Variants in OTOG observed in about 807,000 individuals in gnomAD.
OTOG encodes otogelin.
Under a neutral mutation model 313.8 loss-of-function variants are expected in OTOG, and 296 were observed. That is an observed-to-expected ratio of 0.94 (90% CI 0.86 to 1.04). The LOEUF is 1.04. OTOG is among the 50% of genes least tolerant of loss of function. The pLI, the probability that OTOG is intolerant of heterozygous loss-of-function variation, is 0.00. For synonymous variants in OTOG, 1,533 were observed against 1,554.9 expected, an observed-to-expected ratio of 0.99 and a Z score of 0.33; for missense variants, 3,948 against 3,840.1, an observed-to-expected ratio of 1.03 and a Z score of -0.74.
Position 17,642,132 on chromosome 11 carries a change from G to A in OTOG, c.8301G>A (p.Gly2767=). ...PNGTTSLFLP[G]ASWIADCARH... ...CCTACTTCTGTGCCCTCCAGCCCGG[G>A]GCATCCTGGATCGCAGACTGCGCCC... The change falls in exon 53 of 56, where the codon GGG becomes GGA. Residue 2767 remains glycine (G), a synonymous_variant. Transcript: ENST00000399397. 6.5e-7 allele frequency: 1 copy of A among 1,542,722 alleles called. No individual in the cohort carries two copies. The highest frequency in any genetic ancestry group is 8.8e-7 in the Non-Finnish European group (1 of 1,142,200).
chr11:17,554,692 G>A (rs1852016391), intron 6 of OTOG, among the ~76,000 whole-genome samples: 1 of 152,200 alleles, frequency 6.6e-6, no homozygotes, highest in South Asian at 2.1e-4. Flanking sequence ...GATGGGCGGG[G>A]AACTGCAACC....
intron 2 of OTOG, 63 bp from the exon 3 acceptor site, chr11:17,548,089 G>A (rs1173752513): frequency 1.3e-6 from 2 of 1,498,416 alleles, no homozygotes; most frequent in Non-Finnish European, 1.8e-6. Flanking sequence ...ATAGGCCAGG[G>A]GACTGCGGGG....
chr11:17,609,769 C>A lies in OTOG; in HGVS notation c.4469C>A (p.Pro1490His). Residue 1490 changes from proline to histidine, a missense_variant, in exon 36 of 56, where the codon CCC becomes CAC. Pro to His is a moderately conservative substitution (Grantham distance 77). Coordinates refer to ENST00000399397, the MANE Select transcript of OTOG (RefSeq NM_001292063.2). ...GAGCCACAGCTGTCACAGGAAAGCC[C>A]CAGGACCCCCACCCACAGGCCAGCC... The part of the protein sequence containing the change: ...DEEPQLSQES[P>H]RTPTHRPALT... 6.5e-7 allele frequency: 1 copy of A among 1,549,138 alleles called. No homozygotes were observed. Among genetic ancestry groups the A allele is most frequent in the Non-Finnish European group, 8.7e-7 (1 of 1,146,194 alleles).
chr11:17,593,310 G>T lies in OTOG; in HGVS notation c.3124G>T (p.Asp1042Tyr), dbSNP rs973728066. 2.3e-4 allele frequency: 359 copies of T among 1,550,630 alleles called. 1 individual carries two copies. The East Asian group carries it at 8.8e-3, about 38-fold the overall frequency. Residue 1042 changes from aspartate (D) to tyrosine (Y), a missense_variant, in exon 26 of 56, where the codon GAT (aspartate) becomes TAT (tyrosine). By Grantham distance (160) the Asp-to-Tyr change is radical (BLOSUM62 -3). Coordinates refer to ENST00000399397, the MANE Select transcript of OTOG (RefSeq NM_001292063.2). ...NVGNSLIVFDDDSGNPSPESF... is the reference protein window; with the variant it reads ...NVGNSLIVFDYDSGNPSPESF... ...TGGGAACTCACTCATTGTCTTTGAT[G>T]ATGACTCCGGAAATCCTGTAAGGCT...
rs1852111067 is a variant in OTOG at position 17,558,757 on chromosome 11, C to T, written c.1103+113C>T. The stretch of plus-strand genomic sequence containing the variant: ...GCACTGCCAGATCTGCTTCCCAAGG[C>T]TCTGAAATTCTTATCTGCCTAGGTG... On this transcript the variant is annotated intron_variant, in intron 10 of 55. Coordinates refer to ENST00000399397, the MANE Select transcript of OTOG (RefSeq NM_001292063.2). The T allele has an allele frequency of 1.8e-5, 21 of 1,140,806 alleles. No homozygotes were observed. The South Asian group carries it at 2.9e-4, about 16-fold the overall frequency. The allele number at this position is 1,140,806 out of a possible 1,614,324, so 70.7% of individuals were successfully genotyped here.
intron 34 of OTOG, 95 bp from the exon 35 acceptor site, chr11:17,609,035 C>T: frequency 1.0e-6 from 1 of 971,694 alleles, no homozygotes; most frequent in Non-Finnish European, 1.6e-6. Context: ...GCACATGTGT[C>T]ATAAGAAAGG....
intron 47 of OTOG, among the ~76,000 whole-genome samples, chr11:17,637,169 C>T (rs1205247924): frequency 6.6e-6 from 1 of 152,236 alleles, no homozygotes; most frequent in Non-Finnish European, 1.5e-5. Flanking sequence ...TCCAGATTCT[C>T]TCTATGGCTT....
Position 17,561,689 on chromosome 11 carries a change from A to G in OTOG, c.1526A>G (p.His509Arg). The G allele has an allele frequency of 1.3e-6, 2 of 1,550,256 alleles. No homozygotes were observed. Among genetic ancestry groups the G allele is most frequent in the East Asian group, 2.4e-5 (1 of 40,878 alleles). The change falls in exon 15 of 56, where the codon CAC becomes CGC. Residue 509 changes from histidine (H) to arginine (R), a missense_variant. Coordinates refer to ENST00000399397, the MANE Select transcript of OTOG (RefSeq NM_001292063.2). ...PAECSVTGDI[H>R]FTTFDGRRYT... ...GAGTGCTCAGTGACTGGTGACATTC[A>G]CTTCACAACCTTTGATGGCCGCCGG...
At chr11:17,562,652 C>G (rs1852215357) in intron 15 of OTOG, among the ~76,000 whole-genome samples, 2 of 152,192 alleles carry the variant, frequency 1.3e-5, no homozygotes, top group Admixed American at 1.3e-4. Flanking sequence ...ACAAAAATCT[C>G]TTCCTTATAA....
At chr11:17,579,914 G>A (rs1468092394) in intron 23 of OTOG, among the ~76,000 whole-genome samples, 1 of 152,182 alleles carries the variant, frequency 6.6e-6, no homozygotes, top group Non-Finnish European at 1.5e-5. Context: ...GCCCTCTAAG[G>A]AGCTTACACA....
chr11:17,593,077 C>T (rs1399262981), intron 25 of OTOG, 116 bp from the exon 26 acceptor site: 10 of 1,089,800 alleles, frequency 9.2e-6, no homozygotes, highest in Non-Finnish European at 1.3e-5. Context: ...GCTCAGCTAA[C>T]ACAAAGTAGA....
Position 17,558,647 on chromosome 11 carries a change from G to T in OTOG, c.1103+3G>T. ...AGTTGTACCAGTGATCTCTGCCAGT[G>T]AGTAGGGGTGGTGTGGGCTATGGGG... is the stretch of plus-strand genomic sequence containing the variant. On this transcript the variant is annotated splice_donor_region_variant and intron_variant, in intron 10 of 55. Coordinates refer to ENST00000399397, the MANE Select transcript of OTOG (RefSeq NM_001292063.2). The T allele has an allele frequency of 6.5e-7, 1 of 1,549,000 alleles. No homozygotes were observed. Among genetic ancestry groups the T allele is most frequent in the South Asian group, 1.2e-5 (1 of 84,056 alleles).
chr11:17,639,401 C>A (rs999320967), intron 48 of OTOG, 22 bp from the exon 49 acceptor site: 2 of 1,550,594 alleles, frequency 1.3e-6, no homozygotes, highest in African/African-American at 1.4e-5. Context: ...TGAAGTGGGG[C>A]CTGGCCCCTT....
Position 17,640,777 on chromosome 11 carries a change from G to A in OTOG, c.7968G>A (p.Met2656Ile), listed in dbSNP as rs1165858289. 8 of 1,550,270 alleles carry A rather than the reference G, an allele frequency of 5.2e-6. No individual in the cohort carries two copies. The highest frequency in any genetic ancestry group is 7.0e-6 in the Non-Finnish European group (8 of 1,147,008). The part of the protein sequence containing the change: ...WEKSQLDEEF[M>I]HSVENVCGCA... ...AATCCCAGCTGGATGAGGAGTTCAT[G>A]CACAGCGTGGAGAATGTGTGTGGCT... The change falls in exon 50 of 56, where the codon ATG (methionine) becomes ATA (isoleucine). Residue 2656 changes from methionine (M) to isoleucine (I), a missense_variant. Physicochemically the swap from Met to Ile is conservative, Grantham distance 10. Coordinates refer to ENST00000399397, the MANE Select transcript of OTOG (RefSeq NM_001292063.2).
rs1484692482 is a variant in OTOG, at chr11:17,606,110, C to G, written c.4131C>G (p.Arg1377=). 3.2e-6 allele frequency: 5 copies of G among 1,543,564 alleles called. No individual in the cohort carries two copies. In the Admixed American group the frequency reaches 7.9e-5, roughly 24 times the overall value. Residue 1377 remains arginine (R), a synonymous_variant, in exon 33 of 56, where the codon CGC becomes CGG. Transcript: ENST00000399397. The part of the protein sequence containing the change: ...LRLYEHTEVF[R]RGTLFRLLDA... ...TGTACGAACACACAGAGGTGTTCCG[C>G]CGGGGCACACTCTTCCGCCTTCTGG...
In OTOG at chr11:17,612,297, GGGGACCGCTGCTGCCCACTCT is replaced by G. The variant is rs1245435256; in HGVS notation, c.6264_6284del (p.Asp2088_Trp2094del). ...CCTGGGCCTCGCCGTGCGGGTGGGT[GGGGACCGCTGCTGCCCACTCT>G]GGGAGTGTGCCTGTGAGTCATGGGA... On this transcript the variant is annotated inframe_deletion, in exon 37 of 56. Coordinates refer to ENST00000399397, the MANE Select transcript of OTOG (RefSeq NM_001292063.2). 1.3e-6 allele frequency: 2 copies of G among 1,540,160 alleles called. No homozygotes were observed. The highest frequency in any genetic ancestry group is 2.7e-5 in the African/African-American group (2 of 73,012).
At chr11:17,625,652 A>AT (rs1436193632) in intron 39 of OTOG, among the ~76,000 whole-genome samples, 4 of 152,010 alleles carry the variant, frequency 2.6e-5, no homozygotes, top group Admixed American at 6.6e-5. Flanking sequence ...AGATTATTAG[A>AT]TTTTTTTCCT....
intron 44 of OTOG, 103 bp downstream of exon 44, chr11:17,634,384 C>T (rs1854208777): frequency 7.9e-7 from 1 of 1,272,248 alleles, no homozygotes; most frequent in African/African-American, 1.5e-5. Flanking sequence ...CTAGGAAAAG[C>T]AAAGTGTCTT....
chr11:17,596,714 C>T, intron 29 of OTOG, 137 bp from the exon 30 acceptor site: 2 of 735,598 alleles, frequency 2.7e-6, no homozygotes, highest in Non-Finnish European at 4.5e-6. Flanking sequence ...GTCCTTCTCC[C>T]TTCACACCTC....
Sources: allele counts gnomAD v4.1 joint callset (sites outside exome capture counted in the v4.1 genomes callset), GRCh38; gene constraint gnomAD v4.1.1; transcripts MANE v1.5; gene names NCBI Gene and HGNC (gene_info 2026-07-23, HGNC 2026-07-21).